The following LARGE1 variants were observed in gnomAD, a reference collection of about 807,000 sequenced individuals.
The protein encoded by LARGE1 is LARGE xylosyl- and glucuronyltransferase 1, also known as xylosyl- and glucuronyltransferase LARGE1.
In LARGE1, 43 loss-of-function variants were observed where a neutral mutation model predicts 87.6. The ratio of observed to expected loss-of-function variants is 0.49; its 90% CI spans 0.38 to 0.63. LARGE1 has a LOEUF of 0.63. Ranked by LOEUF, LARGE1 falls within the 30% of genes least tolerant of loss-of-function variation. LARGE1 has a pLI of 0.00. For synonymous variants in LARGE1, 434 were observed against 394.6 expected, an observed-to-expected ratio of 1.10 and a Z score of -1.18; for missense variants, 802 against 1,000.2, an observed-to-expected ratio of 0.80 and a Z score of 2.67.
At chr22:33,355,587 T>C (rs1940815009) in intron 9 of LARGE1, among the ~76,000 whole-genome samples, 1 of 152,192 alleles carries the variant, frequency 6.6e-6, no homozygotes, top group Non-Finnish European at 1.5e-5. Flanking sequence ...CACGGCCAAG[T>C]TATGAACCCA....
At chr22:33,166,981 T>A in intron 11 of LARGE1, 1 of 388,926 alleles carries the variant, frequency 2.6e-6, no homozygotes, top group Non-Finnish European at 5.2e-6. Flanking sequence ...TTCTCCAGTA[T>A]ATTTTTCCCT....
intron 4 of LARGE1, among the ~76,000 whole-genome samples, chr22:33,611,025 C>T: frequency 6.6e-6 from 1 of 152,228 alleles, no homozygotes; most frequent in East Asian, 1.9e-4. Flanking sequence ...TTGACAGCCT[C>T]TACCAGATTT....
At chr22:33,918,064 C>T (rs1275633858) in intron 1 of LARGE1, among the ~76,000 whole-genome samples, 5 of 152,202 alleles carry the variant, frequency 3.3e-5, no homozygotes, top group Admixed American at 2.0e-4. Flanking sequence ...AACTTTAAAG[C>T]GCAGCTCAGG....
chr22:33,577,636 T>A (rs181807035), intron 5 of LARGE1, among the ~76,000 whole-genome samples: 1 of 152,328 alleles, frequency 6.6e-6, no homozygotes, highest in African/African-American at 2.4e-5. Flanking sequence ...TGCTCTACAT[T>A]AATGAGGCAC....
intron 7 of LARGE1, among the ~76,000 whole-genome samples, chr22:33,396,217 C>T (rs2147262482): frequency 6.6e-6 from 1 of 152,366 alleles, no homozygotes; most frequent in African/African-American, 2.4e-5. Flanking sequence ...TGATAAAAAT[C>T]ACCCTCAGAA....
At position 33,564,885 on chromosome 22, in the gene LARGE1, G is replaced by A. The variant is rs932844065; in HGVS notation, c.750C>T (p.Asp250=). 1 of 1,614,214 alleles carries A rather than the reference G, an allele frequency of 6.2e-7. No individual in the cohort carries two copies. The highest frequency in any genetic ancestry group is 8.5e-7 in the Non-Finnish European group (1 of 1,180,034). ...GGAACACAGCCCACAGCTCTGCAAT[G>A]TCAGTGGCAAAGGTGATATCCGTGT... is the stretch of plus-strand genomic sequence containing the variant. The part of the protein sequence containing the change: ...VLDTDITFAT[D]IAELWAVFHK... Residue 250 remains aspartate, a synonymous_variant, in exon 6 of 15, where the codon GAC becomes GAT. Transcript: ENST00000397394.
intron 7 of LARGE1, among the ~76,000 whole-genome samples, chr22:33,384,748 C>T (rs1396018402): frequency 2.0e-5 from 3 of 147,846 alleles, no homozygotes; most frequent in South Asian, 2.4e-4. Flanking sequence ...ATGGTTAACA[C>T]GGTAAATTTA....
chr22:33,564,806 C>T (rs2077973484), intron 6 of LARGE1, 42 bp downstream of exon 6: 2 of 1,607,252 alleles, frequency 1.2e-6, no homozygotes, highest in Non-Finnish European at 1.7e-6. Flanking sequence ...CATGCTGATA[C>T]CTACAAGGAT....
intron 6 of LARGE1, among the ~76,000 whole-genome samples, chr22:33,554,600 C>T (rs1216708472): frequency 6.6e-6 from 1 of 152,174 alleles, no homozygotes; most frequent in East Asian, 1.9e-4. Flanking sequence ...CCAAGGCTAA[C>T]ATCCCGCTAC....
chr22:33,755,351 A>T (rs534443979), intron 2 of LARGE1, among the ~76,000 whole-genome samples: 1 of 152,230 alleles, frequency 6.6e-6, no homozygotes, highest in African/African-American at 2.4e-5. Flanking sequence ...TAACACCCAC[A>T]TTGTCCCGGA....
chr22:33,335,265 G>A (rs1938305595), intron 10 of LARGE1, among the ~76,000 whole-genome samples: 1 of 152,232 alleles, frequency 6.6e-6, no homozygotes, highest in Non-Finnish European at 1.5e-5. Flanking sequence ...GAGCCTCTAA[G>A]TGCTTCCCAG....
the LARGE1 span, among the ~76,000 whole-genome samples, chr22:33,079,945 G>T: frequency 6.6e-6 from 1 of 152,176 alleles, no homozygotes; most frequent in Non-Finnish European, 1.5e-5. Context: ...CTATCAGGGG[G>T]ACTGTCCTCT....
intron 3 of LARGE1, among the ~76,000 whole-genome samples, chr22:33,640,123 C>T (rs1373165576): frequency 6.6e-6 from 1 of 152,126 alleles, no homozygotes; most frequent in Non-Finnish European, 1.5e-5. Context: ...CACTTGGAAC[C>T]AAAAAGCGCT....
intron 3 of LARGE1, among the ~76,000 whole-genome samples, chr22:33,641,939 C>T (rs749103997): frequency 6.6e-6 from 1 of 152,146 alleles, no homozygotes; most frequent in Non-Finnish European, 1.5e-5. Context: ...GAGAATGGAA[C>T]CAAGTTGGAA....
chr22:33,462,921 A>G (rs1474298399), intron 6 of LARGE1, among the ~76,000 whole-genome samples: 1 of 152,264 alleles, frequency 6.6e-6, no homozygotes, highest in Non-Finnish European at 1.5e-5. Context: ...TAAACTTTCT[A>G]ACGTCTCACA....
intron 1 of LARGE1, among the ~76,000 whole-genome samples, chr22:33,776,717 T>TCC (rs1257863311): frequency 4.6e-5 from 7 of 152,246 alleles, no homozygotes; most frequent in African/African-American, 1.7e-4. Flanking sequence ...CACTCTGGCA[T>TCC]CCCTTAGTGT....
At chr22:33,836,798 A>G (rs573706282) in intron 1 of LARGE1, among the ~76,000 whole-genome samples, 56 of 122,002 alleles carry the variant, frequency 4.6e-4, no homozygotes, top group South Asian at 1.1e-3. Flanking sequence ...ACCTTACTGG[A>G]AAAAAAAAAA....
intron 2 of LARGE1, among the ~76,000 whole-genome samples, chr22:33,703,107 C>T (rs138002373): frequency 0.025 from 3,863 of 152,160 alleles, 149 homozygotes; most frequent in African/African-American, 0.088. Context: ...AACCAAACAT[C>T]GCATGTTCTC....
At chr22:33,720,972 C>G (rs546609120) in intron 2 of LARGE1, among the ~76,000 whole-genome samples, 1 of 152,230 alleles carries the variant, frequency 6.6e-6, no homozygotes, top group South Asian at 2.1e-4. Context: ...TTTTTGGGGT[C>G]CTTAGTGCTT....
Sources: allele counts gnomAD v4.1 joint callset (sites outside exome capture counted in the v4.1 genomes callset), GRCh38; gene constraint gnomAD v4.1.1; transcripts MANE v1.5; gene names NCBI Gene and HGNC (gene_info 2026-07-23, HGNC 2026-07-21).